Variants in BMPR1B observed in about 807,000 individuals in gnomAD.
BMPR1B encodes bone morphogenetic protein receptor type-1B.
Under a neutral mutation model 59.1 loss-of-function variants are expected in BMPR1B, and 12 were observed. The observed-to-expected ratio is 0.20, with a 90% CI of 0.13 to 0.33. The LOEUF (loss-of-function observed/expected upper bound fraction) is 0.33. Ranked by LOEUF, BMPR1B falls within the 10% of genes least tolerant of loss-of-function variation. The probability of loss-of-function intolerance (pLI) is 1.00; values close to 1 mark genes in which losing one functional copy is unlikely to be tolerated. For missense variants in BMPR1B, 550 were observed against 610.9 expected, an observed-to-expected ratio of 0.90 and a Z score of 1.05; for synonymous variants, 237 against 207.3, an observed-to-expected ratio of 1.14 and a Z score of -1.23.
chr4:95,103,168 AT>A (rs1049420693), intron 3 of BMPR1B, among the ~76,000 whole-genome samples: 1 of 151,998 alleles, frequency 6.6e-6, no homozygotes, highest in East Asian at 1.9e-4. Flanking sequence ...TCTTTCAACT[AT>A]TTTTTTCTGT....
chr4:94,984,580 G>A (rs1721288245), intron 2 of BMPR1B, among the ~76,000 whole-genome samples: 1 of 152,088 alleles, frequency 6.6e-6, no homozygotes, highest in Non-Finnish European at 1.5e-5. Context: ...TTACCTAATA[G>A]CTAGATGACT....
intron 3 of BMPR1B, among the ~76,000 whole-genome samples, chr4:95,082,073 G>A (rs1729190005): frequency 6.6e-6 from 1 of 150,872 alleles, no homozygotes; most frequent in African/African-American, 2.4e-5. Context: ...ATGCTGGTGT[G>A]CTGCACCCAT....
chr4:94,808,977 C>G (rs532046229), intron 1 of BMPR1B, among the ~76,000 whole-genome samples: 2 of 152,114 alleles, frequency 1.3e-5, no homozygotes, highest in Non-Finnish European at 2.9e-5. Flanking sequence ...ATTGCTTGTA[C>G]CTGGGAGCTG....
chr4:94,937,993 T>C (rs1729384198), intron 2 of BMPR1B, among the ~76,000 whole-genome samples: 1 of 152,206 alleles, frequency 6.6e-6, no homozygotes, highest in Admixed American at 6.5e-5. Context: ...CAGATGTTGA[T>C]CATTTTAATT....
intron 1 of BMPR1B, among the ~76,000 whole-genome samples, chr4:94,796,081 C>G (rs140276343): frequency 6.6e-6 from 1 of 151,986 alleles, no homozygotes; most frequent in Non-Finnish European, 1.5e-5. Context: ...TCTACTGCCT[C>G]AGCCTCCTGA....
intron 3 of BMPR1B, among the ~76,000 whole-genome samples, chr4:95,094,218 C>A (rs1441810998): frequency 1.3e-5 from 2 of 151,982 alleles, no homozygotes; most frequent in East Asian, 1.9e-4. Flanking sequence ...CTAAATGAAT[C>A]AATGTACCAA....
intron 1 of BMPR1B, among the ~76,000 whole-genome samples, chr4:94,839,956 G>A (rs1318683485): frequency 1.3e-5 from 2 of 151,648 alleles, no homozygotes; most frequent in Non-Finnish European, 2.9e-5. Flanking sequence ...GGCAGGCCTG[G>A]TGGTGACAAA....
At chr4:95,123,695 G>T (rs766722803) in intron 6 of BMPR1B, 115 bp from the exon 7 acceptor site, 13 of 810,318 alleles carry the variant, frequency 1.6e-5, no homozygotes, top group Non-Finnish European at 2.6e-5. Context: ...TATGTGAAAA[G>T]GATCTTTCAC....
intron 2 of BMPR1B, among the ~76,000 whole-genome samples, chr4:94,905,535 C>CT (rs1157331267): frequency 3.3e-5 from 5 of 151,856 alleles, no homozygotes; most frequent in Admixed American, 1.3e-4. Flanking sequence ...CTTTTTAAGG[C>CT]TTTTTTTGAC....
At chr4:94,895,752 TTTTG>T (rs1327086969) in intron 2 of BMPR1B, among the ~76,000 whole-genome samples, 21 of 151,874 alleles carry the variant, frequency 1.4e-4, no homozygotes, top group Non-Finnish European at 3.1e-4. Context: ...TCATGTTTCT[TTTTG>T]TTTGGTTATT....
At chr4:95,103,040 C>T (rs147333455) in intron 3 of BMPR1B, among the ~76,000 whole-genome samples, 40 of 151,908 alleles carry the variant, frequency 2.6e-4, no homozygotes, top group African/African-American at 7.7e-4. Flanking sequence ...ACAAAATTTA[C>T]AGGAAACTGT....
chr4:94,922,442 A>G (rs993020318), intron 2 of BMPR1B, among the ~76,000 whole-genome samples: 2 of 152,204 alleles, frequency 1.3e-5, no homozygotes, highest in Non-Finnish European at 2.9e-5. Flanking sequence ...ATAAAACATT[A>G]TGTATATAAA....
rs900992251 is a variant in BMPR1B at position 95,072,122 on chromosome 4, A to G, written c.-17-32286A>G. On this transcript the variant is annotated intron_variant, in intron 3 of 12. Coordinates refer to ENST00000515059, the MANE Select transcript of BMPR1B (RefSeq NM_001203.3). The stretch of plus-strand genomic sequence containing the variant: ...GTTTCAGTTCAAGTGCAAAGAAAGG[A>G]AAAAAAGCCCATGTCCTAGTATGAA... 1.3e-5 allele frequency among the ~76,000 whole-genome samples: 2 copies of G among 152,130 alleles called. 1 individual carries two copies. Among genetic ancestry groups the G allele is most frequent in the Admixed American group, 1.3e-4 (2 of 15,254 alleles).
intron 2 of BMPR1B, among the ~76,000 whole-genome samples, chr4:94,906,291 A>T (rs1192811157): frequency 6.6e-6 from 1 of 152,068 alleles, no homozygotes; most frequent in Non-Finnish European, 1.5e-5. Flanking sequence ...TTGGAGACCA[A>T]ATTAAAATTA....
rs1196187515 is a variant in BMPR1B, at chr4:95,157,368, TTTCCCAATAATCCTTTATGATTTCAAAA to T, written c.*2698_*2725del. On this transcript the variant is annotated 3_prime_UTR_variant, in exon 13 of 13. Transcript: ENST00000515059. ...CTAAATTGTTCTTAAAGACTACTCA[TTTCCCAATAATCCTTTATGATTTCAAAA>T]TTTCTAGTGGCTCAGAAGTGAATTT... 1 of 152,102 alleles carries T rather than the reference TTTCCCAATAATCCTTTATGATTTCAAAA, an allele frequency of 6.6e-6. No individual in the cohort carries two copies. The highest frequency in any genetic ancestry group is 1.5e-5 in the Non-Finnish European group (1 of 67,964). The allele number at this position is 152,102 out of a possible 1,614,324, so 9.4% of individuals were successfully genotyped here. A position where few individuals can be genotyped will look rare whatever the true frequency, so the allele number is the denominator to read the frequency against.
intron 2 of BMPR1B, among the ~76,000 whole-genome samples, chr4:94,950,640 T>G (rs527550927): frequency 3.1e-4 from 47 of 152,186 alleles, no homozygotes; most frequent in African/African-American, 9.9e-4. Flanking sequence ...TTTCTGTTCC[T>G]TTGGTCTATA....
intron 3 of BMPR1B, among the ~76,000 whole-genome samples, chr4:95,081,324 A>G (rs190884133): frequency 1.1e-3 from 161 of 152,306 alleles, no homozygotes; most frequent in African/African-American, 2.9e-3. Context: ...TTGAGACTTC[A>G]TTAAACAAAA....
At chr4:95,026,383 TC>T (rs1409718237) in intron 3 of BMPR1B, among the ~76,000 whole-genome samples, 1 of 152,028 alleles carries the variant, frequency 6.6e-6, no homozygotes, top group Non-Finnish European at 1.5e-5. Flanking sequence ...AAAATAACTT[TC>T]TGTCCATATT....
At chr4:94,863,494 C>G (rs2719176) in intron 1 of BMPR1B, among the ~76,000 whole-genome samples, 63,014 of 151,954 alleles carry the variant, frequency 0.41, 13,352 homozygotes, top group African/African-American at 0.49. Flanking sequence ...ACAGTGCTAG[C>G]ATTTTCTTTT....
Sources: gnomAD v4.1 joint callset for allele counts (sites outside exome capture counted in the v4.1 genomes callset) on GRCh38, gnomAD v4.1.1 for gene constraint, MANE v1.5 for transcripts, NCBI Gene and HGNC (gene_info 2026-07-23, HGNC 2026-07-21) for gene names.